Variants in KCNIP3 observed in about 807,000 individuals in gnomAD.
KCNIP3 encodes the protein calsenilin.
In KCNIP3, 28 loss-of-function variants were observed where a neutral mutation model predicts 35.0. The observed-to-expected ratio is 0.80, with a 90% CI of 0.59 to 1.10. KCNIP3 has a LOEUF of 1.10. Among genes scored for constraint, KCNIP3 ranks in the 50% least tolerant of loss-of-function variants. The pLI, the probability that KCNIP3 is intolerant of heterozygous loss-of-function variation, is 0.00. For synonymous variants in KCNIP3, 134 were observed against 133.8 expected (o/e 1.00, Z -0.01); for missense variants, 295 against 338.4 (o/e 0.87, Z 1.01).
intron 2 of KCNIP3, among the ~76,000 whole-genome samples, chr2:95,350,809 T>C (rs908240043): frequency 6.6e-6 from 1 of 152,212 alleles, no homozygotes; most frequent in African/African-American, 2.4e-5. Flanking sequence ...GGCATCGAAC[T>C]CTAAATCTCT....
chr2:95,328,600 CCT>C (rs1380673584), intron 2 of KCNIP3, among the ~76,000 whole-genome samples: 3 of 152,232 alleles, frequency 2.0e-5, no homozygotes, highest in African/African-American at 7.2e-5. Flanking sequence ...TGTGCACACT[CCT>C]GTGTGTGTGA....
intron 2 of KCNIP3, among the ~76,000 whole-genome samples, chr2:95,350,740 G>A (rs1260169270): frequency 6.6e-6 from 1 of 152,194 alleles, no homozygotes; most frequent in African/African-American, 2.4e-5. Context: ...TTACCCAGCT[G>A]TACATTATCA....
rs995572602 is a variant in KCNIP3, at chr2:95,326,718, T to G, written c.181+16198T>G. Among the ~76,000 whole-genome samples the G allele has an allele frequency of 1.2e-4, 19 of 152,108 alleles. 1 individual carries two copies. Among genetic ancestry groups the G allele is most frequent in the Non-Finnish European group, 4.4e-5 (3 of 68,016 alleles). On this transcript the variant is annotated intron_variant, in intron 2 of 8. Transcript: ENST00000295225. ...GCAGCTTCAGAAATGTAAATTGGAG[T>G]CTGCCACTCTCCTGCCCAAACCCTG... is the stretch of plus-strand genomic sequence containing the variant.
chr2:95,340,238 C>T (rs542286237), intron 2 of KCNIP3, among the ~76,000 whole-genome samples: 3 of 152,168 alleles, frequency 2.0e-5, no homozygotes, highest in African/African-American at 4.8e-5. Context: ...TCAGGAGGTG[C>T]GGCAGGAGAA....
intron 2 of KCNIP3, among the ~76,000 whole-genome samples, chr2:95,366,343 C>G (rs867893612): frequency 6.6e-6 from 1 of 152,108 alleles, no homozygotes; most frequent in Admixed American, 6.5e-5. Context: ...ATTGCATGTG[C>G]GATTCATTCA....
At chr2:95,318,903 G>A (rs1439481530) in intron 2 of KCNIP3, among the ~76,000 whole-genome samples, 1 of 151,840 alleles carries the variant, frequency 6.6e-6, no homozygotes, top group Non-Finnish European at 1.5e-5. Context: ...TACATCCCAG[G>A]ACCTGGTGCC....
intron 2 of KCNIP3, among the ~76,000 whole-genome samples, chr2:95,326,308 A>G (rs906999723): frequency 1.3e-5 from 2 of 152,116 alleles, no homozygotes; most frequent in African/African-American, 4.8e-5. Flanking sequence ...ACACATACAC[A>G]TACACACACA....
chr2:95,380,450 C>G (rs1680308521), intron 5 of KCNIP3, among the ~76,000 whole-genome samples: 1 of 152,206 alleles, frequency 6.6e-6, no homozygotes, highest in Non-Finnish European at 1.5e-5. Flanking sequence ...TGCACTCTGA[C>G]CGTCCTCTGT....
intron 2 of KCNIP3, among the ~76,000 whole-genome samples, chr2:95,363,496 C>G (rs1341669136): frequency 1.3e-5 from 2 of 152,100 alleles, no homozygotes; most frequent in East Asian, 3.8e-4. Context: ...ATTACAATGA[C>G]TATACAACAT....
At chr2:95,362,333 C>T (rs193115373) in intron 2 of KCNIP3, among the ~76,000 whole-genome samples, 134 of 152,106 alleles carry the variant, frequency 8.8e-4, no homozygotes, top group Admixed American at 3.1e-3. Context: ...CTCGAACTCC[C>T]GACCTCAGGT....
chr2:95,356,108 AT>A (rs1034916944), intron 2 of KCNIP3, among the ~76,000 whole-genome samples: 1 of 151,754 alleles, frequency 6.6e-6, no homozygotes, highest in African/African-American at 2.4e-5. Flanking sequence ...GATGATGAGC[AT>A]TTTTTCGTGT....
At chr2:95,346,521 G>T (rs1679369579) in intron 2 of KCNIP3, among the ~76,000 whole-genome samples, 1 of 148,670 alleles carries the variant, frequency 6.7e-6, no homozygotes, top group African/African-American at 2.4e-5. Flanking sequence ...CGGAGTGGCC[G>T]CCGCGCCTAG....
intron 1 of KCNIP3, among the ~76,000 whole-genome samples, chr2:95,298,288 G>C (rs1677928660): frequency 6.6e-6 from 1 of 152,154 alleles, no homozygotes; most frequent in African/African-American, 2.4e-5. Context: ...AGGTTAGCGG[G>C]GTTTCTCTCT....
rs991925531 is a variant in KCNIP3, at chr2:95,376,971, G to A, written c.447+1763G>A. Among the ~76,000 whole-genome samples, 5 of 152,236 alleles carry A rather than the reference G, an allele frequency of 3.3e-5. No homozygotes were observed. The highest frequency in any genetic ancestry group is 9.6e-5 in the African/African-American group (4 of 41,522). ...TGGTAAAAGGTAATACCCTCCCTCC[G>A]CTCACCAAAAAGAATAACCAAAAAG... On this transcript the variant is annotated intron_variant, in intron 5 of 8. Coordinates refer to ENST00000295225, the MANE Select transcript of KCNIP3 (RefSeq NM_013434.5). This position sits in a 1 kb window ranked among gnomAD's most constrained non-coding sequence, Gnocchi z 4.2.
At chr2:95,361,726 A>G (rs1249494193) in intron 2 of KCNIP3, among the ~76,000 whole-genome samples, 1 of 152,178 alleles carries the variant, frequency 6.6e-6, no homozygotes, top group East Asian at 1.9e-4. Flanking sequence ...CACCCTAGGA[A>G]ACATAGCTGG....
chr2:95,312,011 G>C (rs1678332614), intron 2 of KCNIP3: 1 of 152,340 alleles, frequency 6.6e-6, no homozygotes, highest in African/African-American at 2.4e-5. Flanking sequence ...CTCCCTTAGG[G>C]TGGGGGCGAG....
intron 1 of KCNIP3, among the ~76,000 whole-genome samples, chr2:95,306,823 G>A (rs1466166106): frequency 3.9e-5 from 6 of 152,182 alleles, no homozygotes; most frequent in African/African-American, 7.2e-5. Flanking sequence ...CTCTTAGGAC[G>A]CCCTCCCTTC....
chr2:95,311,850 T>C (rs1315734854), intron 2 of KCNIP3: 2 of 152,196 alleles, frequency 1.3e-5, no homozygotes, highest in African/African-American at 4.8e-5. Context: ...GAGTTCCACA[T>C]GCACCCCCAA....
intron 2 of KCNIP3, among the ~76,000 whole-genome samples, chr2:95,364,638 A>T (rs988022564): frequency 3.9e-5 from 6 of 152,116 alleles, no homozygotes; most frequent in Non-Finnish European, 8.8e-5. Context: ...TCTGACTTTT[A>T]TACAATTTAT....
Sources: gnomAD v4.1 joint callset for allele counts (sites outside exome capture counted in the v4.1 genomes callset) on GRCh38, gnomAD v4.1.1 for gene constraint, Gnocchi (gnomAD v3.1) non-coding constraint, MANE v1.5 for transcripts, NCBI Gene and HGNC (gene_info 2026-07-23, HGNC 2026-07-21) for gene names.